The following IPO5 variants were observed in gnomAD, a reference collection of about 807,000 sequenced individuals.
IPO5 encodes importin-5.
Under a neutral mutation model 143.3 loss-of-function variants are expected in IPO5, and 18 were observed. The ratio of observed to expected loss-of-function variants is 0.13; its 90% CI spans 0.09 to 0.19. IPO5 has a LOEUF of 0.19. Among genes scored for constraint, IPO5 ranks in the 10% least tolerant of loss-of-function variants. The pLI, the probability that IPO5 is intolerant of heterozygous loss-of-function variation, is 1.00. For synonymous variants in IPO5, 477 were observed against 465.7 expected (o/e 1.02, Z -0.31); for missense variants, 1,013 against 1,336.9 (o/e 0.76, Z 3.78).
chr13:98,009,830 A>G (rs769825950), intron 18 of IPO5, 51 bp from the exon 19 acceptor site: 1 of 1,361,780 alleles, frequency 7.3e-7, no homozygotes, highest in African/African-American at 1.5e-5. Flanking sequence ...TTTCTTTATC[A>G]CGTTTACCCA....
chr13:98,020,809 A>T (rs1216491853), intron 27 of IPO5, among the ~76,000 whole-genome samples, 183 bp from the exon 28 acceptor site: 1 of 152,174 alleles, frequency 6.6e-6, no homozygotes, highest in Non-Finnish European at 1.5e-5. Flanking sequence ...CCTTAAAACA[A>T]TCCTGAGAGA....
chr13:97,954,054 T>C (rs950097087), intron 1 of IPO5, 65 bp from the exon 2 acceptor site: 4 of 350,646 alleles, frequency 1.1e-5, no homozygotes, highest in African/African-American at 4.3e-5. Context: ...AGAATGTGGG[T>C]TATTATCCTA....
intron 13 of IPO5, 156 bp downstream of exon 13, chr13:98,000,801 CA>C (rs2139760647): frequency 1.7e-6 from 1 of 590,278 alleles, no homozygotes; most frequent in East Asian, 2.8e-5. Context: ...TTGTCAATCC[CA>C]AAGAAAATGT....
chr13:97,963,039 C>T (rs532144547), intron 2 of IPO5: 1 of 152,278 alleles, frequency 6.6e-6, no homozygotes, highest in African/African-American at 2.4e-5. Context: ...TTTCTTCCCC[C>T]AGAAACCTCC....
rs547218370 is a variant in IPO5, at chr13:97,976,120, C to A, written c.-4-573C>A. The stretch of plus-strand genomic sequence containing the variant: ...GCGGCCACGGGGAGGGGCCGGGGGT[C>A]GCTAGAAGGAGGCCGACCAGCCCGC... On this transcript the variant is annotated intron_variant, in intron 3 of 28. Coordinates refer to ENST00000651721, the MANE Select transcript of IPO5 (RefSeq NM_002271.6). The A allele has an allele frequency of 2.7e-4, 65 of 245,234 alleles. 1 individual carries two copies. In the East Asian group the frequency reaches 0.011, roughly 43 times the overall value. The allele number at this position is 245,234 out of a possible 1,614,324, so 15.2% of individuals were successfully genotyped here. A position where few individuals can be genotyped will look rare whatever the true frequency, so the allele number is the denominator to read the frequency against.
intron 3 of IPO5, among the ~76,000 whole-genome samples, chr13:97,970,606 G>C (rs1311061744): frequency 6.6e-6 from 1 of 152,124 alleles, no homozygotes; most frequent in Non-Finnish European, 1.5e-5. Context: ...GGGCGACAGA[G>C]TGGGACTCCG....
chr13:97,992,815 C>A (rs1172853672), intron 9 of IPO5, 77 bp from the exon 10 acceptor site: 11 of 1,384,718 alleles, frequency 7.9e-6, no homozygotes, highest in Non-Finnish European at 1.1e-5. Flanking sequence ...CTATTGTCAG[C>A]ATCTTAGGAA....
intron 4 of IPO5, among the ~76,000 whole-genome samples, chr13:97,979,482 A>G (rs1257239340): frequency 5.3e-5 from 8 of 152,244 alleles, no homozygotes; most frequent in Admixed American, 5.2e-4. Context: ...GAAGAAACGT[A>G]TGTGAATGTC....
chr13:98,017,609 A>G (rs561322070), intron 25 of IPO5, among the ~76,000 whole-genome samples: 4 of 150,032 alleles, frequency 2.7e-5, no homozygotes, highest in Non-Finnish European at 3.0e-5. Flanking sequence ...TACGCTTCCT[A>G]TTTTAAAGCA....
intron 20 of IPO5, 104 bp downstream of exon 20, chr13:98,010,328 A>T: frequency 9.9e-7 from 1 of 1,008,992 alleles, no homozygotes; most frequent in Non-Finnish European, 1.4e-6. Flanking sequence ...AGAGCCAGTA[A>T]TATGTTCCTT....
rs1304047260 is a variant in IPO5 at position 97,976,226 on chromosome 13, C to G, written c.-4-467C>G. Among the ~76,000 whole-genome samples the G allele has an allele frequency of 5.5e-4, 84 of 151,712 alleles. 1 individual carries two copies. The highest frequency in any genetic ancestry group is 1.5e-5 in the Non-Finnish European group (1 of 67,806). ...GGCCCCTTGCCGCGGCCGGGCCCGCCGGCCGGCTCCTCCCGCTGTCCCCGC... is the reference window on the plus strand; with the variant it reads ...GGCCCCTTGCCGCGGCCGGGCCCGCGGGCCGGCTCCTCCCGCTGTCCCCGC... On this transcript the variant is annotated intron_variant, in intron 3 of 28. Coordinates refer to ENST00000651721, the MANE Select transcript of IPO5 (RefSeq NM_002271.6).
chr13:97,990,421 T>A lies in IPO5; in HGVS notation c.565-12T>A. The A allele has an allele frequency of 1.9e-6, 3 of 1,565,948 alleles. No homozygotes were observed. Among genetic ancestry groups the A allele is most frequent in the Non-Finnish European group, 1.7e-6 (2 of 1,150,138 alleles). Reference sequence around the variant, plus strand: ...ATTTCTCATGTTTGACATTTTTTCCTCTTGATTTTAGATCAGGACGTTATC... The same window carrying A: ...ATTTCTCATGTTTGACATTTTTTCCACTTGATTTTAGATCAGGACGTTATC... On this transcript the variant is annotated splice_polypyrimidine_tract_variant and intron_variant, in intron 8 of 28. Transcript: ENST00000651721.
chr13:97,992,858 C>G (rs374870673), intron 9 of IPO5, 34 bp from the exon 10 acceptor site: 1 of 1,584,550 alleles, frequency 6.3e-7, no homozygotes, highest in African/African-American at 1.3e-5. Flanking sequence ...TAAAGTGAAT[C>G]TTCAGCACCG....
chr13:97,993,501 G>T (rs1244198205), intron 11 of IPO5, among the ~76,000 whole-genome samples: 2 of 152,046 alleles, frequency 1.3e-5, no homozygotes, highest in African/African-American at 4.8e-5. Flanking sequence ...GTTAATATTG[G>T]GCACAGTTAA....
intron 2 of IPO5, among the ~76,000 whole-genome samples, chr13:97,964,079 G>A (rs1479363542): frequency 6.6e-6 from 1 of 152,094 alleles, no homozygotes; most frequent in Non-Finnish European, 1.5e-5. Flanking sequence ...GTTATTTGTA[G>A]ATTCTGGACA....
At chr13:97,997,787 C>T (rs1950409952) in intron 12 of IPO5, among the ~76,000 whole-genome samples, 169 bp downstream of exon 12, 1 of 152,036 alleles carries the variant, frequency 6.6e-6, no homozygotes, top group African/African-American at 2.4e-5. Flanking sequence ...GTAGTATTTT[C>T]TTTAGTTTTC....
intron 4 of IPO5, chr13:97,977,000 T>C: frequency 4.9e-6 from 1 of 205,606 alleles, no homozygotes; most frequent in South Asian, 6.2e-5. Flanking sequence ...TGGCACCAGT[T>C]ACCTCCCCGC....
rs1302861736 is a variant in IPO5, at chr13:97,953,702, A to T, written c.-207A>T. The T allele has an allele frequency of 1.9e-5, 5 of 260,652 alleles. No homozygotes were observed. Among genetic ancestry groups the T allele is most frequent in the Non-Finnish European group, 3.9e-5 (5 of 129,612 alleles). The allele number at this position is 260,652 out of a possible 1,614,324, so 16.1% of individuals were successfully genotyped here. ...CCTCCCACAACTGGAGCAGCCGGGA[A>T]CAGCTCTGACCACAGTAAGTCATCC... On this transcript the variant is annotated 5_prime_UTR_variant, in exon 1 of 29. Transcript: ENST00000651721.
chr13:97,982,881 T>G (rs1389283832), intron 5 of IPO5, among the ~76,000 whole-genome samples: 1 of 152,206 alleles, frequency 6.6e-6, no homozygotes, highest in Non-Finnish European at 1.5e-5. Context: ...TTGATTTGAT[T>G]GATTGATTTT....
Sources: gnomAD v4.1 joint callset for allele counts (sites outside exome capture counted in the v4.1 genomes callset) on GRCh38, gnomAD v4.1.1 for gene constraint, MANE v1.5 for transcripts, NCBI Gene and HGNC (gene_info 2026-07-23, HGNC 2026-07-21) for gene names.